Variants in DIAPH1 observed in about 807,000 individuals in gnomAD.
DIAPH1 encodes the protein protein diaphanous homolog 1.
Under a neutral mutation model 140.7 loss-of-function variants are expected in DIAPH1, and 46 were observed. The ratio of observed to expected loss-of-function variants is 0.33; its 90% confidence interval spans 0.26 to 0.42. The LOEUF is 0.42. DIAPH1 is among the 10% of genes least tolerant of loss of function. The pLI is 1.00. For missense variants in DIAPH1, 1,310 were observed against 1,558.7 expected (o/e 0.84, Z 2.69); for synonymous variants, 565 against 551.6 (o/e 1.02, Z -0.34).
chr5:141,618,924 C>T lies in DIAPH1; in HGVS notation c.-10G>A. ...CGCCGGGCGGCTCCATGTCCCGGTT[C>T]ACGCTGGCCGGCGACCCCGCGCCTA... On this transcript the variant is annotated 5_prime_UTR_variant, in exon 1 of 28. Coordinates refer to ENST00000389054, the MANE Select transcript of DIAPH1 (RefSeq NM_005219.5). 2 of 1,467,172 alleles carry T rather than the reference C, an allele frequency of 1.4e-6. No individual in the cohort carries two copies. Among genetic ancestry groups the T allele is most frequent in the Non-Finnish European group, 1.8e-6 (2 of 1,101,020 alleles). 90.9% of individuals were successfully genotyped at this position (1,467,172 alleles called of 1,614,324 possible).
At position 141,565,423 on chromosome 5, in the gene DIAPH1, C is replaced by T. The variant is rs2154596052; in HGVS notation, c.2482+6005G>A. Among the ~76,000 whole-genome samples the T allele has an allele frequency of 6.6e-6, 1 of 152,252 alleles. No homozygotes were observed. The highest frequency in any genetic ancestry group is 3.4e-3 in the Middle Eastern group (1 of 294). Reference sequence around the variant, plus strand: ...AAAGTATGATTTAACCACAGTCACTCTGGGGGAGGACACCTTTTTACCCTG... The same window carrying T: ...AAAGTATGATTTAACCACAGTCACTTTGGGGGAGGACACCTTTTTACCCTG... On this transcript the variant is annotated intron_variant, in intron 18 of 27. Coordinates refer to ENST00000389054, the MANE Select transcript of DIAPH1 (RefSeq NM_005219.5). This position sits in a 1 kb window ranked among gnomAD's most constrained non-coding sequence, Gnocchi z 4.3.
chr5:141,562,615 A>AC (rs201042335), intron 18 of DIAPH1, among the ~76,000 whole-genome samples: 6 of 136,518 alleles, frequency 4.4e-5, no homozygotes, highest in Admixed American at 7.7e-5. Context: ...GCAAAAAAAA[A>AC]AAAACAAACA....
chr5:141,526,736 C>T (rs2099887388), intron 24 of DIAPH1, among the ~76,000 whole-genome samples: 5 of 152,084 alleles, frequency 3.3e-5, no homozygotes, highest in Admixed American at 3.3e-4. Context: ...TTTGTTCTAT[C>T]GCCGGGCAGG....
At chr5:141,578,486 A>G in intron 10 of DIAPH1, 29 bp downstream of exon 10, 1 of 1,580,446 alleles carries the variant, frequency 6.3e-7, no homozygotes, top group South Asian at 1.1e-5. Flanking sequence ...GAACCAGTCT[A>G]GCCTTTCTAA....
At position 141,564,555 on chromosome 5, in the gene DIAPH1, C is replaced by T. The variant is rs2099894087; in HGVS notation, c.2482+6873G>A. On this transcript the variant is annotated intron_variant, in intron 18 of 27. Transcript: ENST00000389054. ...GTGGAAACTACATCAGCAGCCTTCG[C>T]GCAATAGTTTTAAAGTTTTGCCCCA... 3 of 152,228 alleles carry T rather than the reference C, an allele frequency of 2.0e-5. No individual in the cohort carries two copies. The South Asian group carries it at 6.2e-4, about 32-fold the overall frequency. 9.4% of individuals were successfully genotyped at this position (152,228 alleles called of 1,614,324 possible).
chr5:141,566,661 A>G (rs1171807337), intron 18 of DIAPH1, among the ~76,000 whole-genome samples: 1 of 152,130 alleles, frequency 6.6e-6, no homozygotes, highest in African/African-American at 2.4e-5. Context: ...TTGGGAGGCC[A>G]AGATGGGTGG....
chr5:141,616,587 C>A (rs1365350915), intron 1 of DIAPH1, among the ~76,000 whole-genome samples: 1 of 151,570 alleles, frequency 6.6e-6, no homozygotes, highest in African/African-American at 2.4e-5. Flanking sequence ...TGCAATGCTC[C>A]TCCTCATCTC....
At chr5:141,524,082 G>C (rs1183144106) in intron 27 of DIAPH1, 61 bp downstream of exon 27, 1 of 1,401,070 alleles carries the variant, frequency 7.1e-7, no homozygotes, top group Non-Finnish European at 1.0e-6. Flanking sequence ...CCGCAGACTG[G>C]CAGGAGTAGA....
At chr5:141,607,908 C>T (rs1200426556) in intron 1 of DIAPH1, among the ~76,000 whole-genome samples, 1 of 152,168 alleles carries the variant, frequency 6.6e-6, no homozygotes, top group Non-Finnish European at 1.5e-5. Context: ...GTATCTGGGG[C>T]ATTAGCAGAG....
At chr5:141,593,659 A>C (rs1405446725) in intron 1 of DIAPH1, among the ~76,000 whole-genome samples, 1 of 152,230 alleles carries the variant, frequency 6.6e-6, no homozygotes, top group Admixed American at 6.5e-5. Flanking sequence ...TTTATTTAAC[A>C]AAATTTAAAT....
At chr5:141,560,781 G>A (rs1276113852) in intron 18 of DIAPH1, 2 of 451,096 alleles carry the variant, frequency 4.4e-6, no homozygotes, top group Non-Finnish European at 8.9e-6. Context: ...GTTGGGAAGG[G>A]AAGTAACAGG....
At position 141,529,706 on chromosome 5, in the gene DIAPH1, A is replaced by T; in HGVS notation, c.2582-9T>A. Reference sequence around the variant, plus strand: ...GGAACCCAAAAAGATTGCTGCCAGAAAATGAGATATTAAGACATGTTCTTC... The same window carrying T: ...GGAACCCAAAAAGATTGCTGCCAGATAATGAGATATTAAGACATGTTCTTC... On this transcript the variant is annotated splice_polypyrimidine_tract_variant and intron_variant, in intron 19 of 27. Transcript: ENST00000389054. 1 of 1,610,298 alleles carries T rather than the reference A, an allele frequency of 6.2e-7. No individual in the cohort carries two copies. Among genetic ancestry groups the T allele is most frequent in the Non-Finnish European group, 8.5e-7 (1 of 1,176,482 alleles).
At chr5:141,528,346 C>T in intron 23 of DIAPH1, 107 bp downstream of exon 23, 1 of 1,517,018 alleles carries the variant, frequency 6.6e-7, no homozygotes. Flanking sequence ...TATCTCATTT[C>T]CACTTGAAAT....
intron 18 of DIAPH1, among the ~76,000 whole-genome samples, chr5:141,536,492 A>G (rs2099889039): frequency 6.6e-6 from 1 of 152,232 alleles, no homozygotes; most frequent in Non-Finnish European, 1.5e-5. Context: ...TTACGTCCTA[A>G]CAAAAATAAA....
At chr5:141,540,635 C>G (rs977658591) in intron 18 of DIAPH1, among the ~76,000 whole-genome samples, 3 of 151,422 alleles carry the variant, frequency 2.0e-5, no homozygotes, top group African/African-American at 7.3e-5. Context: ...AGGCTGGTCT[C>G]GAACTCCTGA....
intron 1 of DIAPH1, among the ~76,000 whole-genome samples, chr5:141,602,303 G>T (rs958898583): frequency 1.3e-5 from 2 of 152,092 alleles, no homozygotes; most frequent in African/African-American, 4.8e-5. Context: ...TGCAAGCTAC[G>T]CCCCTGCGTT....
intron 23 of DIAPH1, among the ~76,000 whole-genome samples, chr5:141,528,168 T>G (rs1166320749): frequency 5.3e-5 from 8 of 152,244 alleles, no homozygotes; most frequent in Admixed American, 1.3e-4. Context: ...CTATGTTTTC[T>G]TAATGAAAAG....
In DIAPH1 at chr5:141,578,549, T is replaced by G. The variant is rs1401413598; in HGVS notation, c.1010A>C (p.Glu337Ala). 2 of 1,614,062 alleles carry G rather than the reference T, an allele frequency of 1.2e-6. No individual in the cohort carries two copies. Among genetic ancestry groups the G allele is most frequent in the South Asian group, 2.2e-5 (2 of 91,078 alleles). Reference protein sequence around the residue: ...ELDFRVHIRSELMRLGLHQVL... With the variant: ...ELDFRVHIRSALMRLGLHQVL... The stretch of plus-strand genomic sequence containing the variant: ...CTGATGTAGCCCCAAACGCATCAGT[T>G]CACTTCTGATGTGAACTCGGAAGTC... The change falls in exon 10 of 28, where the codon GAA becomes GCA. Residue 337 changes from glutamate to alanine, a missense_variant. Glu to Ala is a moderately radical substitution (Grantham distance 107). This residue lies in a region of DIAPH1 where 377 missense variants were observed against 497.1 expected (regional missense o/e 0.76). Coordinates refer to ENST00000389054, the MANE Select transcript of DIAPH1 (RefSeq NM_005219.5).
intron 18 of DIAPH1, among the ~76,000 whole-genome samples, chr5:141,545,498 G>T (rs2099890661): frequency 6.6e-6 from 1 of 152,228 alleles, no homozygotes; most frequent in East Asian, 1.9e-4. Context: ...TAAAAAGTTA[G>T]TCAGGCATGG....
Sources: gnomAD v4.1 joint callset for allele counts (sites outside exome capture counted in the v4.1 genomes callset) on GRCh38, gnomAD v4.1.1 for gene constraint, gnomAD v4.1.1 regional missense constraint, Gnocchi (gnomAD v3.1) non-coding constraint, MANE v1.5 for transcripts, NCBI Gene and HGNC (gene_info 2026-07-23, HGNC 2026-07-21) for gene names.